The following HMCN1 variants were observed in gnomAD, a reference collection of about 807,000 sequenced individuals.
HMCN1 encodes hemicentin 1.
HMCN1 carries 321 observed loss-of-function variants against 625.9 expected under a neutral mutation model. That is an observed-to-expected ratio of 0.51 (90% CI 0.47 to 0.56). The LOEUF (loss-of-function observed/expected upper bound fraction) is 0.56, where lower values mean the gene tolerates loss of function less well. Ranked by LOEUF, HMCN1 falls within the 20% of genes least tolerant of loss-of-function variation. The pLI, the probability that HMCN1 is intolerant of heterozygous loss-of-function variation, is 0.00. For synonymous variants in HMCN1, 2,425 were observed against 2,417.6 expected, an observed-to-expected ratio of 1.00 and a Z score of -0.09; for missense variants, 6,588 against 6,887.3, an observed-to-expected ratio of 0.96 and a Z score of 1.54.
In HMCN1 at chr1:185,842,727, T is replaced by C. The variant is rs926451095; in HGVS notation, c.269-3299T>C. Among the ~76,000 whole-genome samples the C allele has an allele frequency of 6.0e-5, 9 of 150,616 alleles. No individual in the cohort carries two copies. The South Asian group carries it at 6.3e-4, about 11-fold the overall frequency. Reference sequence around the variant, plus strand: ...GCCTGAGTGACAGAGCAAGAGCCTGTCTTAAAAAAAAAAAAAACTTTAAAA... The same window carrying C: ...GCCTGAGTGACAGAGCAAGAGCCTGCCTTAAAAAAAAAAAAAACTTTAAAA... On this transcript the variant is annotated intron_variant, in intron 1 of 106. Coordinates refer to ENST00000271588, the MANE Select transcript of HMCN1 (RefSeq NM_031935.3).
At chr1:185,956,645 T>A (rs145184415) in intron 11 of HMCN1, among the ~76,000 whole-genome samples, 1 of 152,260 alleles carries the variant, frequency 6.6e-6, no homozygotes, top group East Asian at 1.9e-4. Flanking sequence ...TTGGTTTTTA[T>A]GGAGATGTCC....
At chr1:186,149,089 G>A (rs1166930262) in intron 93 of HMCN1, among the ~76,000 whole-genome samples, 2 of 151,956 alleles carry the variant, frequency 1.3e-5, no homozygotes. Context: ...ATTCTTATGG[G>A]CCCTAGGATT....
chr1:186,071,774 G>A (rs540290968), intron 52 of HMCN1, among the ~76,000 whole-genome samples: 76 of 152,242 alleles, frequency 5.0e-4, no homozygotes, highest in African/African-American at 1.0e-3. Flanking sequence ...ACCATGCTCC[G>A]TTTATAGTTT....
In HMCN1 at chr1:185,749,544, A is replaced by G. The variant is rs1012432487; in HGVS notation, c.268+14497A>G. 1.3e-4 allele frequency among the ~76,000 whole-genome samples: 20 copies of G among 152,114 alleles called. 1 individual carries two copies. Among genetic ancestry groups the G allele is most frequent in the Admixed American group, 1.3e-3 (20 of 15,270 alleles). On this transcript the variant is annotated intron_variant, in intron 1 of 106. Transcript: ENST00000271588. ...TCTCCAGCGTTCCCCATCTCAGTAC[A>G]GGCACCACATTTTCTTACTTATTTG... is the stretch of plus-strand genomic sequence containing the variant.
At chr1:185,854,617 C>T (rs1662350782) in intron 2 of HMCN1, among the ~76,000 whole-genome samples, 1 of 152,134 alleles carries the variant, frequency 6.6e-6, no homozygotes, top group Non-Finnish European at 1.5e-5. Flanking sequence ...AATGTTTAAA[C>T]TAGGTCTCTA....
chr1:185,977,720 T>C lies in HMCN1; in HGVS notation c.2372-67T>C, dbSNP rs11800285. On this transcript the variant is annotated intron_variant, in intron 15 of 106. Coordinates refer to ENST00000271588, the MANE Select transcript of HMCN1 (RefSeq NM_031935.3). ...TTCAATGATTTGACAGTTTAATATT[T>C]AAGTTTATGTTTAATATGCCTGTAT... 3,774 of 974,894 alleles carry C rather than the reference T, an allele frequency of 3.9e-3. 83 individuals carry two copies. The African/African-American group carries it at 0.055, about 14-fold the overall frequency. 60.4% of individuals were successfully genotyped at this position (974,894 alleles called of 1,614,324 possible). A position where few individuals can be genotyped will look rare whatever the true frequency, so the allele number is the denominator to read the frequency against.
chr1:186,045,725 T>C lies in HMCN1; in HGVS notation c.6342T>C (p.Ser2114=), dbSNP rs1168681603. The change falls in exon 41 of 107, where the codon TCT becomes TCC. Residue 2114 remains serine, a synonymous_variant. Transcript: ENST00000271588. ...TTATGGGAGAAGAACAGAATGTCTC[T>C]GTCCTCATTAGCCAAGCTGTGGAAT... ...PNIMGEEQNV[S]VLISQAVELL... is the part of the protein sequence containing the mutation. 1.9e-6 allele frequency: 3 copies of C among 1,613,388 alleles called. No individual in the cohort carries two copies. Among genetic ancestry groups the C allele is most frequent in the Non-Finnish European group, 2.5e-6 (3 of 1,179,566 alleles).
intron 30 of HMCN1, among the ~76,000 whole-genome samples, chr1:186,010,118 G>T (rs751331116): frequency 2.8e-4 from 43 of 152,156 alleles, no homozygotes; most frequent in Non-Finnish European, 5.3e-4. Context: ...CCCTTCCATG[G>T]CCCAGGGGTT....
chr1:185,977,659 G>C (rs1651313399), intron 15 of HMCN1, 128 bp from the exon 16 acceptor site: 1 of 713,010 alleles, frequency 1.4e-6, no homozygotes, highest in Admixed American at 2.1e-5. Flanking sequence ...ATATCAACAG[G>C]GTAAATTTAC....
rs768379214 is a variant in HMCN1 at position 186,023,033 on chromosome 1, C to A, written c.5629C>A (p.Gln1877Lys). 6.2e-7 allele frequency: 1 copy of A among 1,613,242 alleles called. No individual in the cohort carries two copies. The highest frequency in any genetic ancestry group is 8.5e-7 in the Non-Finnish European group (1 of 1,179,412). ...VNTAQGNLKI[Q>K]SSGRVLQIAK... ...TGTGCTTTCTGCTCCCAATTAGATA[C>A]AGTCTTCTGGTCGAGTTCTACAAAT... The change falls in exon 36 of 107, where the codon CAG becomes AAG. Residue 1877 changes from glutamine to lysine, a missense_variant. Gln to Lys is a moderately conservative substitution (Grantham distance 53). Around this residue, in one of 3 missense-constraint regions of HMCN1, gnomAD observed 4,628 missense variants for 4,853.1 expected, o/e 0.95. Coordinates refer to ENST00000271588, the MANE Select transcript of HMCN1 (RefSeq NM_031935.3).
chr1:185,875,195 G>A (rs1323874439), intron 4 of HMCN1, among the ~76,000 whole-genome samples: 1 of 151,876 alleles, frequency 6.6e-6, no homozygotes, highest in Non-Finnish European at 1.5e-5. Flanking sequence ...TATGATTATG[G>A]ATAATTTTAA....
In HMCN1 at chr1:185,845,510, C is replaced by T. The variant is rs188350869; in HGVS notation, c.269-516C>T. Among the ~76,000 whole-genome samples, 65 of 152,236 alleles carry T rather than the reference C, an allele frequency of 4.3e-4. No individual in the cohort carries two copies. The East Asian group carries it at 7.9e-3, about 19-fold the overall frequency. The stretch of plus-strand genomic sequence containing the variant: ...TGCTGAGATTACAGGCGTGAGCCAC[C>T]GCATCTGGCCACATCTCTAAATTCT... On this transcript the variant is annotated intron_variant, in intron 1 of 106. Transcript: ENST00000271588.
chr1:186,014,675 A>G (rs867088961), intron 30 of HMCN1, among the ~76,000 whole-genome samples: 1 of 151,850 alleles, frequency 6.6e-6, no homozygotes, highest in Non-Finnish European at 1.5e-5. Context: ...CCTCCCCCCC[A>G]AAAAAAGAAA....
chr1:185,994,739 A>C, intron 23 of HMCN1, 76 bp from the exon 24 acceptor site: 2 of 1,401,904 alleles, frequency 1.4e-6, no homozygotes, highest in Non-Finnish European at 2.0e-6. Flanking sequence ...CCTGTTGATA[A>C]GGAGCTCTCG....
chr1:185,889,834 T>C (rs1029658390), intron 4 of HMCN1, among the ~76,000 whole-genome samples: 4 of 143,436 alleles, frequency 2.8e-5, no homozygotes, highest in Non-Finnish European at 4.4e-5. Flanking sequence ...TAAAATGAGT[T>C]AGGGAGGATT....
At chr1:186,110,785 G>C (rs1208386412) in intron 71 of HMCN1, among the ~76,000 whole-genome samples, 1 of 151,908 alleles carries the variant, frequency 6.6e-6, no homozygotes, top group Non-Finnish European at 1.5e-5. Flanking sequence ...ATTTTCTGCA[G>C]AGATGGGGAA....
chr1:185,953,738 C>T (rs1649408882), intron 11 of HMCN1, among the ~76,000 whole-genome samples: 1 of 151,744 alleles, frequency 6.6e-6, no homozygotes, highest in Non-Finnish European at 1.5e-5. Context: ...AGGGAGGTCC[C>T]CCGATCCGAG....
chr1:186,026,879 C>A (rs1010285979), intron 36 of HMCN1, among the ~76,000 whole-genome samples: 1 of 152,092 alleles, frequency 6.6e-6, no homozygotes, highest in African/African-American at 2.4e-5. Flanking sequence ...AAGACATCTG[C>A]CGACCTCGGC....
chr1:186,178,935 G>C (rs1652769110), intron 104 of HMCN1, among the ~76,000 whole-genome samples, 169 bp downstream of exon 104: 1 of 152,178 alleles, frequency 6.6e-6, no homozygotes, highest in South Asian at 2.1e-4. Context: ...TTACAGACTT[G>C]AGTCAAGTGA....
Sources: gnomAD v4.1 joint callset for allele counts (sites outside exome capture counted in the v4.1 genomes callset) on GRCh38, gnomAD v4.1.1 for gene constraint, gnomAD v4.1.1 regional missense constraint, MANE v1.5 for transcripts, NCBI Gene and HGNC (gene_info 2026-07-23, HGNC 2026-07-21) for gene names.